Variants in SDC1 observed in about 807,000 individuals in gnomAD.
SDC1 encodes syndecan 1.
A neutral mutation model predicts 29.7 loss-of-function variants in SDC1; 14 were observed. The ratio of observed to expected loss-of-function variants is 0.47; its 90% confidence interval spans 0.31 to 0.74. The LOEUF is 0.74. Among genes scored for constraint, SDC1 ranks in the 30% least tolerant of loss-of-function variants. The pLI is 0.05. For missense variants in SDC1, 406 were observed against 400.3 expected, an observed-to-expected ratio of 1.01 and a Z score of -0.12; for synonymous variants, 204 against 175.5, an observed-to-expected ratio of 1.16 and a Z score of -1.29.
At chr2:20,212,408 G>A (rs1225074717) in intron 1 of SDC1, among the ~76,000 whole-genome samples, 1 of 152,094 alleles carries the variant, frequency 6.6e-6, no homozygotes, top group Admixed American at 6.5e-5. Flanking sequence ...GGCTCCCCCA[G>A]CCTCGGGGTT....
rs1367961048 is a variant in SDC1 at position 20,223,275 on chromosome 2, G to T, written c.66+1527C>A. 22 of 1,299,110 alleles carry T rather than the reference G, an allele frequency of 1.7e-5. No individual in the cohort carries two copies. The South Asian group carries it at 2.6e-4, about 15-fold the overall frequency. 80.5% of individuals were successfully genotyped at this position (1,299,110 alleles called of 1,614,324 possible). A position where few individuals can be genotyped will look rare whatever the true frequency, so the allele number is the denominator to read the frequency against. On this transcript the variant is annotated intron_variant, in intron 1 of 4. Coordinates refer to ENST00000254351, the MANE Select transcript of SDC1 (RefSeq NM_002997.5). ...TCCCTACCTCATCTCCCATGAGACA[G>T]ACTCTGTAAAGAAAAAAAAAACCAA...
At chr2:20,222,654 A>G (rs1221172799) in intron 1 of SDC1, among the ~76,000 whole-genome samples, 1 of 151,884 alleles carries the variant, frequency 6.6e-6, no homozygotes, top group Non-Finnish European at 1.5e-5. Flanking sequence ...CCTGGGCCCT[A>G]TGTCCAAGTT....
At position 20,202,187 on chromosome 2, in the gene SDC1, A is replaced by G. The variant is rs1677031986; in HGVS notation, c.*579T>C. 1.4e-6 allele frequency: 1 copy of G among 713,934 alleles called. No individual in the cohort carries two copies. The highest frequency in any genetic ancestry group is 1.5e-5 in the South Asian group (1 of 65,012). The allele number at this position is 713,934 out of a possible 1,614,324, so 44.2% of individuals were successfully genotyped here. Reference sequence around the variant, plus strand: ...AGATGGGGGGATACCGAATCAACTTACTTAACTTACCTCAGAAGTAACAAG... The same window carrying G: ...AGATGGGGGGATACCGAATCAACTTGCTTAACTTACCTCAGAAGTAACAAG... On this transcript the variant is annotated 3_prime_UTR_variant, in exon 5 of 5. Coordinates refer to ENST00000254351, the MANE Select transcript of SDC1 (RefSeq NM_002997.5).
At chr2:20,205,653 G>A (rs1007430364) in intron 1 of SDC1, among the ~76,000 whole-genome samples, 2 of 152,248 alleles carry the variant, frequency 1.3e-5, no homozygotes, top group Non-Finnish European at 2.9e-5. Context: ...CAGGGCTGCA[G>A]GGGCACAACA....
At position 20,202,603 on chromosome 2, in the gene SDC1, C is replaced by T; in HGVS notation, c.*163G>A. On this transcript the variant is annotated 3_prime_UTR_variant, in exon 5 of 5. Coordinates refer to ENST00000254351, the MANE Select transcript of SDC1 (RefSeq NM_002997.5). The stretch of plus-strand genomic sequence containing the variant: ...CAGAAGTCAGAGAAGCAGAGTGGAG[C>T]TCCCAGCACACCCCACGACTCCGTG... The T allele has an allele frequency of 1.4e-6, 1 of 700,534 alleles. No individual in the cohort carries two copies. Among genetic ancestry groups the T allele is most frequent in the Non-Finnish European group, 2.4e-6 (1 of 409,656 alleles). 43.4% of individuals were successfully genotyped at this position (700,534 alleles called of 1,614,324 possible).
At chr2:20,216,128 A>T (rs1051386731) in intron 1 of SDC1, among the ~76,000 whole-genome samples, 2 of 152,232 alleles carry the variant, frequency 1.3e-5, no homozygotes, top group East Asian at 1.9e-4. Flanking sequence ...TCACTGCTGC[A>T]GATTCACCCG....
At chr2:20,204,733 G>A (rs1287887752) in intron 2 of SDC1, among the ~76,000 whole-genome samples, 1 of 151,992 alleles carries the variant, frequency 6.6e-6, no homozygotes, top group African/African-American at 2.4e-5. Context: ...TCAGGCCTCC[G>A]CTAGGTCACT....
At position 20,202,822 on chromosome 2, in the gene SDC1, G is replaced by A. The variant is rs1215466898; in HGVS notation, c.877C>T (p.Gln293Ter). The stretch of plus-strand genomic sequence containing the variant: ...TTCTGGTAGGCCCCGCCGTTGGCTT[G>A]TTTCGGCTCCTCCAAGGAGTAGCTG... ...EGSYSLEEPKQANGGAYQKPT... is the reference protein window; with the variant it reads ...EGSYSLEEPK The change falls in exon 5 of 5, where the codon CAA becomes TAA. Residue 293 changes from glutamine to a stop codon, truncating the protein, a stop_gained. Coordinates refer to ENST00000254351, the MANE Select transcript of SDC1 (RefSeq NM_002997.5). LOFTEE classifies it high-confidence loss of function. The A allele has an allele frequency of 1.2e-6, 2 of 1,613,554 alleles. No individual in the cohort carries two copies. Among genetic ancestry groups the A allele is most frequent in the African/African-American group, 1.3e-5 (1 of 74,908 alleles).
chr2:20,203,120 G>T lies in SDC1; in HGVS notation c.730C>A (p.Gln244Lys), dbSNP rs539905977. ...PVDQGATGAS[Q>K]GLLDRKEVLG... is the part of the protein sequence containing the mutation. ...ACCTCTTTCCTGTCCAGGAGGCCCT[G>T]TGAGGCCCCCGTGGCCCCCTGATCC... The change falls in exon 4 of 5, where the codon CAG (glutamine) becomes AAG (lysine). Residue 244 changes from glutamine to lysine, a missense_variant. Gln to Lys is a moderately conservative substitution (Grantham distance 53). Coordinates refer to ENST00000254351, the MANE Select transcript of SDC1 (RefSeq NM_002997.5). The T allele has an allele frequency of 1.2e-6, 2 of 1,611,912 alleles. No individual in the cohort carries two copies. Among genetic ancestry groups the T allele is most frequent in the East Asian group, 4.5e-5 (2 of 44,800 alleles).
At position 20,204,008 on chromosome 2, in the gene SDC1, C is replaced by T. The variant is rs1394339897; in HGVS notation, c.432G>A (p.Thr144=). 6.8e-6 allele frequency: 11 copies of T among 1,613,362 alleles called. No individual in the cohort carries two copies. The highest frequency in any genetic ancestry group is 1.1e-5 in the South Asian group (1 of 91,038). The change falls in exon 3 of 5, where the codon ACG becomes ACA. Residue 144 remains threonine (T), a synonymous_variant. Transcript: ENST00000254351. ...GGTGGGAGGTGGCGGGCTCCTGGGC[C>T]GTGGTGGCTGTGGTCGTTGAGGCCA... ...THLASTTTAT[T]AQEPATSHPH... is the part of the protein sequence containing the mutation.
At chr2:20,211,397 T>G (rs1216368630) in intron 1 of SDC1, among the ~76,000 whole-genome samples, 1 of 152,100 alleles carries the variant, frequency 6.6e-6, no homozygotes, top group Non-Finnish European at 1.5e-5. Context: ...GTGAACAAGC[T>G]CTAGTGGCCA....
rs1426024025 is a variant in SDC1 at position 20,204,023 on chromosome 2, C to T, written c.417G>A (p.Thr139=). The change falls in exon 3 of 5, where the codon ACG becomes ACA. Residue 139 remains threonine, a synonymous_variant. Transcript: ENST00000254351. ...GCTCCTGGGCCGTGGTGGCTGTGGTCGTTGAGGCCAGATGAGTGGTCGGGA... is the reference window on the plus strand; with the variant it reads ...GCTCCTGGGCCGTGGTGGCTGTGGTTGTTGAGGCCAGATGAGTGGTCGGGA... ...TQLPTTHLAS[T]TTATTAQEPA... 3 of 1,613,052 alleles carry T rather than the reference C, an allele frequency of 1.9e-6. No homozygotes were observed. The highest frequency in any genetic ancestry group is 1.7e-5 in the Admixed American group (1 of 59,988).
intron 1 of SDC1, chr2:20,207,848 C>A: frequency 1.4e-6 from 1 of 717,772 alleles, no homozygotes; most frequent in Non-Finnish European, 1.7e-6. Context: ...GCCCTGGCCT[C>A]CCTCAACCTG....
intron 1 of SDC1, among the ~76,000 whole-genome samples, chr2:20,222,742 G>A (rs530979760): frequency 3.3e-5 from 5 of 152,318 alleles, no homozygotes; most frequent in African/African-American, 1.2e-4. Flanking sequence ...AGTTCACGGG[G>A]AAGCCCAAAC....
intron 1 of SDC1, chr2:20,223,382 T>G: frequency 1.5e-5 from 15 of 980,628 alleles, no homozygotes; most frequent in Non-Finnish European, 2.1e-5. Context: ...GATGCCACAT[T>G]AGCAGTGGAG....
chr2:20,207,196 G>A (rs959417024), intron 1 of SDC1, among the ~76,000 whole-genome samples: 1 of 152,204 alleles, frequency 6.6e-6, no homozygotes, highest in African/African-American at 2.4e-5. Flanking sequence ...CACGTCCAGG[G>A]GCCTAGGTCA....
At chr2:20,207,304 A>C in intron 1 of SDC1, 5 of 471,506 alleles carry the variant, frequency 1.1e-5, no homozygotes, top group Non-Finnish European at 1.4e-5. Flanking sequence ...CCTTCCCCCA[A>C]GAGAAAGGTT....
intron 1 of SDC1, among the ~76,000 whole-genome samples, chr2:20,209,420 G>GT (rs1352240617): frequency 6.6e-6 from 1 of 152,194 alleles, no homozygotes; most frequent in Non-Finnish European, 1.5e-5. Context: ...GACCCAATCA[G>GT]TTTTAAGGAA....
intron 1 of SDC1, among the ~76,000 whole-genome samples, chr2:20,212,498 G>A (rs1019102533): frequency 6.6e-6 from 1 of 152,246 alleles, no homozygotes; most frequent in Non-Finnish European, 1.5e-5. Flanking sequence ...CAGCCCGCCA[G>A]GGAGGCAGGC....
Sources: allele counts gnomAD v4.1 joint callset (sites outside exome capture counted in the v4.1 genomes callset), GRCh38; gene constraint gnomAD v4.1.1; transcripts MANE v1.5; gene names NCBI Gene and HGNC (gene_info 2026-07-23, HGNC 2026-07-21).